ETV1: variants seen among roughly 807,000 people sequenced by gnomAD.
ETV1 encodes the protein ETS translocation variant 1.
Under a neutral mutation model 62.3 loss-of-function variants are expected in ETV1, and 27 were observed. The ratio of observed to expected loss-of-function variants is 0.43; its 90% CI spans 0.32 to 0.60. The LOEUF is 0.60. ETV1 is among the 20% of genes least tolerant of loss of function. The pLI is 0.06. For synonymous variants in ETV1, 222 were observed against 199.6 expected (o/e 1.11, Z -0.94); for missense variants, 605 against 605.8 (o/e 1.00, Z 0.01).
At chr7:13,899,260 A>C (rs1782157301) in intron 13 of ETV1, among the ~76,000 whole-genome samples, 1 of 152,196 alleles carries the variant, frequency 6.6e-6, no homozygotes, top group Non-Finnish European at 1.5e-5. Flanking sequence ...GGTGAGAGAA[A>C]GGGAGGAATT....
intron 6 of ETV1, among the ~76,000 whole-genome samples, chr7:13,963,001 A>G (rs1790365188): frequency 6.6e-6 from 1 of 152,152 alleles, no homozygotes; most frequent in African/African-American, 2.4e-5. Context: ...GAATGCATAC[A>G]AGGGAAAATG....
chr7:13,979,458 G>A (rs1001464052), intron 5 of ETV1, among the ~76,000 whole-genome samples: 1 of 151,904 alleles, frequency 6.6e-6, no homozygotes, highest in Non-Finnish European at 1.5e-5. Context: ...TTTTGACACT[G>A]CAGAAAAAAA....
At chr7:13,978,014 C>T (rs897610053) in intron 5 of ETV1, among the ~76,000 whole-genome samples, 6 of 151,922 alleles carry the variant, frequency 3.9e-5, no homozygotes, top group Admixed American at 2.0e-4. Flanking sequence ...AAGTATGCTA[C>T]AAAGGTTTTT....
chr7:13,963,938 G>C (rs777587893), intron 6 of ETV1, among the ~76,000 whole-genome samples: 2 of 152,110 alleles, frequency 1.3e-5, no homozygotes, highest in African/African-American at 2.4e-5. Context: ...AACTATGAAT[G>C]AAAATAGAGC....
At position 13,893,644 on chromosome 7, in the gene ETV1, C is replaced by A. The variant is rs1583534264; in HGVS notation, c.*2222G>T. The A allele has an allele frequency of 4.3e-6, 1 of 232,300 alleles. No homozygotes were observed. The highest frequency in any genetic ancestry group is 8.5e-6 in the Non-Finnish European group (1 of 117,418). The allele number at this position is 232,300 out of a possible 1,614,324, so 14.4% of individuals were successfully genotyped here. A position where few individuals can be genotyped will look rare whatever the true frequency, so the allele number is the denominator to read the frequency against. ...AAAAGAGAAAAAGAAAAAAAAGGAACAAAAATGAATCCTCAATACAGTTTT... is the reference window on the plus strand; with the variant it reads ...AAAAGAGAAAAAGAAAAAAAAGGAAAAAAAATGAATCCTCAATACAGTTTT... On this transcript the variant is annotated 3_prime_UTR_variant, in exon 14 of 14. Transcript: ENST00000430479.
intron 13 of ETV1, among the ~76,000 whole-genome samples, chr7:13,899,212 A>C (rs1004888269): frequency 6.6e-6 from 1 of 152,128 alleles, no homozygotes; most frequent in Non-Finnish European, 1.5e-5. Flanking sequence ...AAAAGAAAGG[A>C]ATGGAATGTA....
At chr7:13,988,644 C>G (rs1169770849) in intron 3 of ETV1, 1 of 1,461,638 alleles carries the variant, frequency 6.8e-7, no homozygotes, top group Non-Finnish European at 9.0e-7. Flanking sequence ...ACAAAAACAC[C>G]CCATATAAAC....
chr7:13,957,082 A>T (rs898005311), intron 6 of ETV1, among the ~76,000 whole-genome samples: 16 of 151,510 alleles, frequency 1.1e-4, no homozygotes, highest in South Asian at 6.3e-4. Flanking sequence ...TTATTTATTT[A>T]TTTTTTATTT....
At chr7:13,896,598 A>C (rs1008838273) in intron 13 of ETV1, among the ~76,000 whole-genome samples, 1 of 150,078 alleles carries the variant, frequency 6.7e-6, no homozygotes, top group Non-Finnish European at 1.5e-5. Context: ...TAATTCACTG[A>C]TTCACAGAAT....
Position 13,911,245 on chromosome 7 carries a change from T to G in ETV1, c.865A>C (p.Thr289Pro), listed in dbSNP as rs369547662. 1.2e-6 allele frequency: 2 copies of G among 1,612,006 alleles called. No homozygotes were observed. Among genetic ancestry groups the G allele is most frequent in the African/African-American group, 2.7e-5 (2 of 74,906 alleles). Reference protein sequence around the residue: ...QEGFLAHPSRTEGCMFEKGPR... With the variant: ...QEGFLAHPSRPEGCMFEKGPR... ...TCAGTGGTGGACAACTTAACTTCTG[T>G]TCTGCTGGGATGAGCCAGGAAGCCT... The change falls in exon 10 of 14, where the codon ACA becomes CCA. Residue 289 changes from threonine to proline, a missense_variant. Around this residue, in one of 3 missense-constraint regions of ETV1, gnomAD observed 426 missense variants for 377.8 expected, o/e 1.13. Coordinates refer to ENST00000430479, the MANE Select transcript of ETV1 (RefSeq NM_004956.5).
chr7:13,896,922 A>T (rs566744611), intron 13 of ETV1, among the ~76,000 whole-genome samples: 1 of 152,256 alleles, frequency 6.6e-6, no homozygotes, highest in East Asian at 1.9e-4. Flanking sequence ...TTGAAGTAAG[A>T]GGTGTAAAAA....
chr7:13,896,105 G>A lies in ETV1; in HGVS notation c.1213-18C>T. 6.3e-7 allele frequency: 1 copy of A among 1,598,874 alleles called. No homozygotes were observed. Among genetic ancestry groups the A allele is most frequent in the Middle Eastern group, 1.7e-4 (1 of 6,030 alleles). On this transcript the variant is annotated intron_variant, in intron 13 of 13. Coordinates refer to ENST00000430479, the MANE Select transcript of ETV1 (RefSeq NM_004956.5). ...CCAGCCACCTGATGATAACATGGAA[G>A]AGAAAAACCCATCCTCACCATCGCC...
At chr7:13,908,588 A>AT (rs946692409) in intron 11 of ETV1, among the ~76,000 whole-genome samples, 6 of 150,604 alleles carry the variant, frequency 4.0e-5, no homozygotes, top group African/African-American at 7.3e-5. Context: ...GATTCCTATA[A>AT]TTTTTTTTTT....
intron 9 of ETV1, among the ~76,000 whole-genome samples, chr7:13,913,776 A>T (rs75827193): frequency 1.3e-5 from 2 of 151,880 alleles, no homozygotes; most frequent in Admixed American, 6.6e-5. Flanking sequence ...TCACAAATCT[A>T]TCTATTAATC....
intron 11 of ETV1, among the ~76,000 whole-genome samples, chr7:13,906,858 T>A (rs1021587074): frequency 6.6e-6 from 1 of 152,140 alleles, no homozygotes; most frequent in Non-Finnish European, 1.5e-5. Flanking sequence ...ATGACACACA[T>A]CATTTACTTA....
chr7:13,918,164 C>G (rs1784401752), intron 9 of ETV1, among the ~76,000 whole-genome samples: 1 of 151,688 alleles, frequency 6.6e-6, no homozygotes. Context: ...CCTTGGATCA[C>G]CACAATATTC....
At chr7:13,900,875 A>G in intron 12 of ETV1, 36 bp from the exon 13 acceptor site, 2 of 1,348,174 alleles carry the variant, frequency 1.5e-6, no homozygotes, top group South Asian at 1.3e-5. Context: ...AGTGTTAAGT[A>G]TTAACTTATC....
intron 5 of ETV1, among the ~76,000 whole-genome samples, chr7:13,984,446 TGCA>T (rs1459907904): frequency 5.9e-5 from 9 of 151,882 alleles, no homozygotes; most frequent in African/African-American, 2.2e-4. Flanking sequence ...AAAATATCAG[TGCA>T]AAATAATATA....
At chr7:13,906,227 A>C (rs1782942291) in intron 12 of ETV1, 1 of 409,912 alleles carries the variant, frequency 2.4e-6, no homozygotes, top group African/African-American at 2.1e-5. Flanking sequence ...ATTTTGTAGG[A>C]TTGTATACAA....
Sources: gnomAD v4.1 joint callset for allele counts (sites outside exome capture counted in the v4.1 genomes callset) on GRCh38, gnomAD v4.1.1 for gene constraint, gnomAD v4.1.1 regional missense constraint, MANE v1.5 for transcripts, NCBI Gene and HGNC (gene_info 2026-07-23, HGNC 2026-07-21) for gene names.